CCND2: variants seen among roughly 807,000 people sequenced by gnomAD.
The protein encoded by CCND2 is cyclin D2.
Under a neutral mutation model 30.2 loss-of-function variants are expected in CCND2, and 6 were observed. That is an observed-to-expected ratio of 0.20 (90% CI 0.11 to 0.39). The LOEUF (loss-of-function observed/expected upper bound fraction) is 0.39. CCND2 is among the 10% of genes least tolerant of loss of function. The pLI is 1.00. For synonymous variants in CCND2, 150 were observed against 153.1 expected, an observed-to-expected ratio of 0.98 and a Z score of 0.15; for missense variants, 235 against 373.4, an observed-to-expected ratio of 0.63 and a Z score of 3.06.
intron 3 of CCND2, among the ~76,000 whole-genome samples, chr12:4,279,150 G>A (rs897974533): frequency 6.6e-6 from 1 of 152,090 alleles, no homozygotes; most frequent in Non-Finnish European, 1.5e-5. Flanking sequence ...GACAGGTGTG[G>A]TTAAGGCAAA....
At chr12:4,292,262 G>A (rs1197228372) in intron 4 of CCND2, among the ~76,000 whole-genome samples, 1 of 152,090 alleles carries the variant, frequency 6.6e-6, no homozygotes, top group Non-Finnish European at 1.5e-5. Flanking sequence ...GCTCTTCCCT[G>A]GAAAAGTGAA....
intron 4 of CCND2, chr12:4,289,228 G>T: frequency 4.8e-6 from 1 of 206,754 alleles, no homozygotes; most frequent in South Asian, 5.9e-5. Flanking sequence ...GGGTGGGAGG[G>T]CTGTTTACCG....
At chr12:4,284,877 A>G (rs750164653) in intron 3 of CCND2, among the ~76,000 whole-genome samples, 25 of 151,966 alleles carry the variant, frequency 1.6e-4, no homozygotes, top group Non-Finnish European at 3.5e-4. Flanking sequence ...CTGGGATTAC[A>G]GGCGCGTGCC....
intron 3 of CCND2, among the ~76,000 whole-genome samples, chr12:4,286,763 T>C (rs1033295350): frequency 6.6e-5 from 10 of 152,208 alleles, no homozygotes; most frequent in African/African-American, 2.4e-4. Context: ...CAGAAGTTCA[T>C]TCGTATGCCA....
In CCND2 at chr12:4,285,997, C is replaced by A. The variant is rs1314953033; in HGVS notation, c.572-2845C>A. Among the ~76,000 whole-genome samples, 1 of 152,090 alleles carries A rather than the reference C, an allele frequency of 6.6e-6. No homozygotes were observed. The highest frequency in any genetic ancestry group is 1.5e-5 in the Non-Finnish European group (1 of 68,026). On this transcript the variant is annotated intron_variant, in intron 3 of 4. Coordinates refer to ENST00000261254, the MANE Select transcript of CCND2 (RefSeq NM_001759.4). The surrounding 1 kb of genome is among the most constrained non-coding windows in gnomAD (Gnocchi z 4.1). ...CTTGGGAGTCATTCCCATTCCAGAT[C>A]CTCAAGTAAGAGCAAAGTAGACCTG...
intron 3 of CCND2, among the ~76,000 whole-genome samples, chr12:4,286,665 C>A (rs1212794382): frequency 6.6e-6 from 1 of 152,222 alleles, no homozygotes; most frequent in African/African-American, 2.4e-5. Flanking sequence ...AAGAGGACTC[C>A]CCTGAAAATC....
chr12:4,301,370 G>A lies in CCND2; in HGVS notation c.*1361G>A, dbSNP rs200982928. ...CCTTTTCCGTTTTTTTTTTTTTATTGTTGTTGTTAATTTTATTGCAAAGTT... is the reference window on the plus strand; with the variant it reads ...CCTTTTCCGTTTTTTTTTTTTTATTATTGTTGTTAATTTTATTGCAAAGTT... On this transcript the variant is annotated 3_prime_UTR_variant, in exon 5 of 5. Coordinates refer to ENST00000261254, the MANE Select transcript of CCND2 (RefSeq NM_001759.4). The A allele has an allele frequency of 1.7e-4, 37 of 216,104 alleles. No homozygotes were observed. Among genetic ancestry groups the A allele is most frequent in the African/African-American group, 8.4e-4 (33 of 39,420 alleles). 13.4% of individuals were successfully genotyped at this position (216,104 alleles called of 1,614,324 possible).
At chr12:4,283,832 C>A (rs369176735) in intron 3 of CCND2, among the ~76,000 whole-genome samples, 6 of 152,242 alleles carry the variant, frequency 3.9e-5, no homozygotes, top group African/African-American at 1.4e-4. Flanking sequence ...GAGTTGCCAA[C>A]TTCTCTCTTC....
Position 4,285,078 on chromosome 12 carries a change from CAT to C in CCND2, c.572-3760_572-3759del, listed in dbSNP as rs1388102108. ...TTGAGAAGTTTCTTCAGAAGTTATCCATATAGTAGTACAGACCTAGCCATTAT... is the reference window on the plus strand; with the variant it reads ...TTGAGAAGTTTCTTCAGAAGTTATCCATAGTAGTACAGACCTAGCCATTAT... On this transcript the variant is annotated intron_variant, in intron 3 of 4. Transcript: ENST00000261254. The surrounding 1 kb of genome is among the most constrained non-coding windows in gnomAD (Gnocchi z 4.1). 3.3e-5 allele frequency among the ~76,000 whole-genome samples: 5 copies of C among 152,246 alleles called. No homozygotes were observed. In the South Asian group the frequency reaches 6.2e-4, roughly 19 times the overall value.
chr12:4,288,357 G>A (rs1447277231), intron 3 of CCND2, among the ~76,000 whole-genome samples: 1 of 149,458 alleles, frequency 6.7e-6, no homozygotes, highest in Admixed American at 6.7e-5. Context: ...CCATCTCCTT[G>A]TACTTTCCCT....
At position 4,276,195 on chromosome 12, in the gene CCND2, A is replaced by G. The variant is rs777749450; in HGVS notation, c.386A>G (p.Asn129Ser). Reference sequence around the variant, plus strand: ...GAGAAGCTGTGCATTTACACCGACAACTCCATCAAGCCTCAGGAGCTGCTG... The same window carrying G: ...GAGAAGCTGTGCATTTACACCGACAGCTCCATCAAGCCTCAGGAGCTGCTG... ...TAEKLCIYTD[N>S]SIKPQELLEW... The change falls in exon 2 of 5, where the codon AAC (asparagine) becomes AGC (serine). Residue 129 changes from asparagine (N) to serine (S), a missense_variant. Asn to Ser is a conservative substitution (Grantham distance 46). This residue lies in a region of CCND2 where 178 missense variants were observed against 322.8 expected (regional missense o/e 0.55). Transcript: ENST00000261254. This position sits in a 1 kb window ranked among gnomAD's most constrained non-coding sequence, Gnocchi z 4.8. 9.9e-6 allele frequency: 16 copies of G among 1,613,196 alleles called. No homozygotes were observed. The highest frequency in any genetic ancestry group is 1.7e-5 in the Admixed American group (1 of 59,940).
chr12:4,299,898 G>A lies in CCND2; in HGVS notation c.759G>A (p.Val253=). The part of the protein sequence containing the change: ...LKACQEQIEA[V]LLNSLQQYRQ... ...CTTGCCAGGAGCAGATTGAGGCGGT[G>A]CTCCTCAATAGCCTGCAGCAGTACC... The change falls in exon 5 of 5, where the codon GTG becomes GTA. Residue 253 remains valine, a synonymous_variant. Transcript: ENST00000261254. The surrounding 1 kb of genome is among the most constrained non-coding windows in gnomAD (Gnocchi z 5.2). The A allele has an allele frequency of 6.2e-7, 1 of 1,614,046 alleles. No homozygotes were observed. Among genetic ancestry groups the A allele is most frequent in the East Asian group, 2.2e-5 (1 of 44,886 alleles).
intron 4 of CCND2, chr12:4,297,633 G>C (rs76267366): frequency 0.012 from 1,888 of 153,092 alleles, 49 homozygotes; most frequent in East Asian, 0.11. Context: ...TTAACTTTTC[G>C]CACCTAGTGA....
chr12:4,290,282 T>A (rs896499205), intron 4 of CCND2, among the ~76,000 whole-genome samples: 1 of 152,182 alleles, frequency 6.6e-6, no homozygotes, highest in Non-Finnish European at 1.5e-5. Flanking sequence ...GGGGTCCTCC[T>A]CTGAGATAGT....
At position 4,274,004 on chromosome 12, in the gene CCND2, G is replaced by C. The variant is rs2120512513; in HGVS notation, c.-37G>C. The C allele has an allele frequency of 2.5e-6, 4 of 1,588,962 alleles. No individual in the cohort carries two copies. The highest frequency in any genetic ancestry group is 3.4e-6 in the Non-Finnish European group (4 of 1,166,172). On this transcript the variant is annotated 5_prime_UTR_variant, in exon 1 of 5. Coordinates refer to ENST00000261254, the MANE Select transcript of CCND2 (RefSeq NM_001759.4). This position sits in a 1 kb window ranked among gnomAD's most constrained non-coding sequence, Gnocchi z 7.7. ...AAACAGAAAAACCTTTTTCCAGGCCGGGGAAAGCAGGAGGGAGAGGGGCCG... is the reference window on the plus strand; with the variant it reads ...AAACAGAAAAACCTTTTTCCAGGCCCGGGAAAGCAGGAGGGAGAGGGGCCG...
At chr12:4,275,228 C>T (rs1259872097) in intron 1 of CCND2, 1 of 152,162 alleles carries the variant, frequency 6.6e-6, no homozygotes, top group Non-Finnish European at 1.5e-5. Flanking sequence ...GCCGGACACT[C>T]CCGCCGCGGC....
Position 4,303,216 on chromosome 12 carries a change from C to A in CCND2, c.*3207C>A. The A allele has an allele frequency of 4.3e-6, 1 of 233,326 alleles. No individual in the cohort carries two copies. Among genetic ancestry groups the A allele is most frequent in the African/African-American group, 2.2e-5 (1 of 45,442 alleles). The allele number at this position is 233,326 out of a possible 1,614,324, so 14.5% of individuals were successfully genotyped here. A position where few individuals can be genotyped will look rare whatever the true frequency, so the allele number is the denominator to read the frequency against. ...TCCTTCTAGCTTTTCTCTTTCCCAT[C>A]CTTGGGGCCTTGTGTGATGATGGGT... On this transcript the variant is annotated 3_prime_UTR_variant, in exon 5 of 5. Coordinates refer to ENST00000261254, the MANE Select transcript of CCND2 (RefSeq NM_001759.4). This position sits in a 1 kb window ranked among gnomAD's most constrained non-coding sequence, Gnocchi z 4.6.
At chr12:4,275,973 C>A in intron 1 of CCND2, 32 bp from the exon 2 acceptor site, 2 of 1,309,442 alleles carry the variant, frequency 1.5e-6, no homozygotes, top group Admixed American at 2.1e-5. Flanking sequence ...TCTCCACCCC[C>A]GCCCCCCAAC....
rs3217816 is a variant in CCND2 at position 4,280,910 on chromosome 12, G to A, written c.571+1991G>A. ...GGGTGTGGGCAGATCCCCAGATTCCGTCTAGACCCATTCTCGAAAACCGGG... is the reference window on the plus strand; with the variant it reads ...GGGTGTGGGCAGATCCCCAGATTCCATCTAGACCCATTCTCGAAAACCGGG... On this transcript the variant is annotated intron_variant, in intron 3 of 4. Transcript: ENST00000261254. Among the ~76,000 whole-genome samples, 1,084 of 152,330 alleles carry A rather than the reference G, an allele frequency of 7.1e-3. 8 individuals carry two copies. The highest frequency in any genetic ancestry group is 0.01 in the Non-Finnish European group (692 of 68,028).
Sources: gnomAD v4.1 joint callset for allele counts (sites outside exome capture counted in the v4.1 genomes callset) on GRCh38, gnomAD v4.1.1 for gene constraint, gnomAD v4.1.1 regional missense constraint, Gnocchi (gnomAD v3.1) non-coding constraint, MANE v1.5 for transcripts, NCBI Gene and HGNC (gene_info 2026-07-23, HGNC 2026-07-21) for gene names.